The following VRK3 variants were observed in gnomAD, a reference collection of about 807,000 sequenced individuals.
The protein encoded by VRK3 is serine/threonine-protein kinase VRK3.
Under a neutral mutation model 60.4 loss-of-function variants are expected in VRK3, and 50 were observed. The observed-to-expected ratio is 0.83, with a 90% CI of 0.66 to 1.05. The LOEUF is 1.05. Among genes scored for constraint, VRK3 ranks in the 50% least tolerant of loss-of-function variants. The pLI, the probability that VRK3 is intolerant of heterozygous loss-of-function variation, is 0.00. For synonymous variants in VRK3, 246 were observed against 227.8 expected, an observed-to-expected ratio of 1.08 and a Z score of -0.72; for missense variants, 549 against 585.3, an observed-to-expected ratio of 0.94 and a Z score of 0.64.
intron 1 of VRK3, among the ~76,000 whole-genome samples, chr19:50,022,676 C>A (rs1167882521): frequency 6.6e-6 from 1 of 152,046 alleles, no homozygotes; most frequent in African/African-American, 2.4e-5. Context: ...CACCCGTAAT[C>A]CCAGCTACTT....
intron 13 of VRK3, 152 bp downstream of exon 13, chr19:49,980,803 G>A (rs933953779): frequency 6.8e-5 from 43 of 636,962 alleles, no homozygotes; most frequent in Non-Finnish European, 1.0e-4. Flanking sequence ...ATCTTTTGAC[G>A]ATTTTGTCTT....
intron 12 of VRK3, among the ~76,000 whole-genome samples, chr19:49,983,690 C>T (rs906978794): frequency 3.9e-5 from 6 of 152,206 alleles, no homozygotes; most frequent in East Asian, 1.9e-4. Flanking sequence ...TTTTGTCTGT[C>T]GTGAACTACA....
intron 5 of VRK3, among the ~76,000 whole-genome samples, chr19:50,001,898 A>T (rs1336391950): frequency 6.6e-6 from 1 of 151,862 alleles, no homozygotes; most frequent in African/African-American, 2.4e-5. Context: ...CAGGAGTAAG[A>T]GCAGCACCAG....
intron 1 of VRK3, chr19:50,024,934 T>C (rs764823937): frequency 1.3e-5 from 2 of 152,232 alleles, no homozygotes; most frequent in Admixed American, 1.3e-4. Flanking sequence ...GGTGGGGCGA[T>C]TGCCTAGGCG....
At chr19:49,995,943 G>C (rs2076696761) in intron 7 of VRK3, among the ~76,000 whole-genome samples, 1 of 151,052 alleles carries the variant, frequency 6.6e-6, no homozygotes, top group Admixed American at 6.6e-5. Flanking sequence ...TTTTTTTTGA[G>C]ATGGAGTCTT....
intron 14 of VRK3, among the ~76,000 whole-genome samples, 166 bp from the exon 15 acceptor site, chr19:49,976,950 G>A (rs1478063045): frequency 6.6e-6 from 1 of 152,194 alleles, no homozygotes; most frequent in Non-Finnish European, 1.5e-5. Flanking sequence ...GGCTTAGGAT[G>A]AGGAGGAGGC....
At position 50,007,761 on chromosome 19, in the gene VRK3, TCACC is replaced by T; in HGVS notation, c.351_354del (p.Val118ProfsTer22). On this transcript the variant is annotated frameshift_variant, in exon 5 of 15. Transcript: ENST00000316763. LOFTEE classifies it high-confidence loss of function. The stretch of plus-strand genomic sequence containing the variant: ...CTGGTCTTCTGAGGGCTACCCCTGG[TCACC>T]TGAGGGCTCTTCCTGGTCTTCTGAG... 8 of 1,613,930 alleles carry T rather than the reference TCACC, an allele frequency of 5.0e-6. No individual in the cohort carries two copies. The highest frequency in any genetic ancestry group is 6.8e-6 in the Non-Finnish European group (8 of 1,179,990).
rs568430140 is a variant in VRK3 at position 49,988,559 on chromosome 19, C to G, written c.1097-67G>C. 7.8e-4 allele frequency: 1,228 copies of G among 1,564,334 alleles called. 4 individuals are homozygous for G. Among genetic ancestry groups the G allele is most frequent in the South Asian group, 3.8e-3 (328 of 86,108 alleles). On this transcript the variant is annotated intron_variant, in intron 11 of 14. Transcript: ENST00000316763. ...CTCCACTCACTGGTGGGTCCACCCCCCTTCCTTCCCCTCTCTCTCACTGAC... is the reference window on the plus strand; with the variant it reads ...CTCCACTCACTGGTGGGTCCACCCCGCTTCCTTCCCCTCTCTCTCACTGAC...
At chr19:50,001,652 T>C (rs1273538916) in intron 5 of VRK3, among the ~76,000 whole-genome samples, 1 of 152,108 alleles carries the variant, frequency 6.6e-6, no homozygotes, top group Non-Finnish European at 1.5e-5. Flanking sequence ...GCCCTTACTG[T>C]TCATTTACAG....
chr19:50,019,554 G>T (rs895136355), intron 2 of VRK3, among the ~76,000 whole-genome samples: 1 of 151,934 alleles, frequency 6.6e-6, no homozygotes, highest in African/African-American at 2.4e-5. Flanking sequence ...CTGTCACTCA[G>T]GCTGGAGTGC....
chr19:50,011,564 C>T (rs1415276395), intron 3 of VRK3, among the ~76,000 whole-genome samples: 5 of 152,184 alleles, frequency 3.3e-5, no homozygotes, highest in East Asian at 1.9e-4. Flanking sequence ...GAAGCTCTTC[C>T]GCAGCTCTCC....
chr19:50,004,907 CT>C (rs2076869617), intron 5 of VRK3, among the ~76,000 whole-genome samples: 1 of 151,148 alleles, frequency 6.6e-6, no homozygotes, highest in Non-Finnish European at 1.5e-5. Context: ...GAGACTCCAT[CT>C]CTTAAAAATA....
intron 10 of VRK3, among the ~76,000 whole-genome samples, chr19:49,990,633 T>A (rs2076594315): frequency 6.6e-6 from 1 of 152,140 alleles, no homozygotes; most frequent in African/African-American, 2.4e-5. Context: ...TTGGCCACTG[T>A]GCCCAGTCCA....
In VRK3 at chr19:49,995,160, G is replaced by A. The variant is rs112433779; in HGVS notation, c.764+31C>T. ...CAACAGGAAGAAGAGGAAAGAGGCCGGTGAGGCAAGCAGTGAGCAGAGCAG... is the reference window on the plus strand; with the variant it reads ...CAACAGGAAGAAGAGGAAAGAGGCCAGTGAGGCAAGCAGTGAGCAGAGCAG... On this transcript the variant is annotated intron_variant, in intron 8 of 14. Transcript: ENST00000316763. 3.3e-4 allele frequency: 538 copies of A among 1,608,164 alleles called. 3 individuals carry two copies. The African/African-American group carries it at 5.4e-3, about 16-fold the overall frequency.
chr19:50,015,957 C>A, intron 3 of VRK3, 67 bp downstream of exon 3: 1 of 1,598,848 alleles, frequency 6.3e-7, no homozygotes, highest in Non-Finnish European at 8.6e-7. Context: ...CATCCTCCCT[C>A]CGCAGACACA....
At chr19:49,994,669 G>T (rs1034354563) in intron 9 of VRK3, 145 bp downstream of exon 9, 13 of 732,808 alleles carry the variant, frequency 1.8e-5, no homozygotes, top group South Asian at 1.6e-4. Flanking sequence ...GGCTCTAACC[G>T]CCTGCCATGG....
At chr19:50,025,225 G>T (rs1453628736) in intron 1 of VRK3, 42 bp downstream of exon 1, 1 of 152,308 alleles carries the variant, frequency 6.6e-6, no homozygotes, top group Non-Finnish European at 1.5e-5. Context: ...CTGCGGCTAG[G>T]GGGTCGGGGG....
At chr19:50,006,185 T>G (rs981618707) in intron 5 of VRK3, among the ~76,000 whole-genome samples, 1 of 151,258 alleles carries the variant, frequency 6.6e-6, no homozygotes, top group African/African-American at 2.4e-5. Flanking sequence ...TGGCATGCGC[T>G]TGTAATCTCA....
At chr19:50,017,221 C>CA (rs1296640513) in intron 2 of VRK3, among the ~76,000 whole-genome samples, 1 of 150,832 alleles carries the variant, frequency 6.6e-6, no homozygotes, top group Non-Finnish European at 1.5e-5. Context: ...ACAGCAGCAA[C>CA]AAAAAAAGGC....
Sources: gnomAD v4.1 joint callset for allele counts (sites outside exome capture counted in the v4.1 genomes callset) on GRCh38, gnomAD v4.1.1 for gene constraint, MANE v1.5 for transcripts, NCBI Gene and HGNC (gene_info 2026-07-23, HGNC 2026-07-21) for gene names.